Variants in SEC14L6 observed in about 807,000 individuals in gnomAD.
SEC14L6 encodes the protein SEC14-like protein 6.
In SEC14L6, 40 loss-of-function variants were observed where a neutral mutation model predicts 54.1. That is an observed-to-expected ratio of 0.74 (90% CI 0.57 to 0.96). SEC14L6 has a LOEUF of 0.96. Ranked by LOEUF, SEC14L6 falls within the 40% of genes least tolerant of loss-of-function variation. The pLI is 0.00. For synonymous variants in SEC14L6, 171 were observed against 198.4 expected (o/e 0.86, Z 1.16); for missense variants, 471 against 498.3 (o/e 0.95, Z 0.52).
intron 8 of SEC14L6, among the ~76,000 whole-genome samples, chr22:30,526,155 GGCCT>G (rs149591196): frequency 0.017 from 2,660 of 152,302 alleles, 48 homozygotes; most frequent in Middle Eastern, 0.048. Flanking sequence ...TCCTGTCCCA[GGCCT>G]GCCCCTCTCT....
chr22:30,531,056 C>G (rs1017524591), intron 6 of SEC14L6, among the ~76,000 whole-genome samples: 3 of 152,120 alleles, frequency 2.0e-5, no homozygotes, highest in Admixed American at 6.6e-5. Flanking sequence ...GGGTGCCACG[C>G]CCAACTTAGC....
chr22:30,539,291 C>T (rs902478315), intron 1 of SEC14L6, among the ~76,000 whole-genome samples: 21 of 152,162 alleles, frequency 1.4e-4, no homozygotes, highest in African/African-American at 4.8e-4. Flanking sequence ...GCAGGAGAAT[C>T]GCTTAAACCC....
intron 8 of SEC14L6, among the ~76,000 whole-genome samples, 164 bp downstream of exon 8, chr22:30,528,923 C>T (rs5749116): frequency 6.6e-6 from 1 of 151,848 alleles, no homozygotes; most frequent in Non-Finnish European, 1.5e-5. Flanking sequence ...TCTTCCCTCT[C>T]GGGGGCAGGC....
At chr22:30,542,558 G>A (rs2085740402) in intron 1 of SEC14L6, 2 of 1,362,932 alleles carry the variant, frequency 1.5e-6, no homozygotes, top group East Asian at 5.4e-5. Context: ...CTCGCGGGCG[G>A]CGTAGCCGCG....
At chr22:30,525,962 G>A (rs565103886) in intron 8 of SEC14L6, 30 bp from the exon 9 acceptor site, 35 of 1,569,216 alleles carry the variant, frequency 2.2e-5, no homozygotes, top group African/African-American at 1.6e-4. Context: ...GGACTCCAAA[G>A]GGACTCAGGA....
intron 1 of SEC14L6, among the ~76,000 whole-genome samples, chr22:30,544,742 G>C (rs1374307004): frequency 6.6e-6 from 1 of 152,058 alleles, no homozygotes; most frequent in African/African-American, 2.4e-5. Context: ...GGGCCCAACT[G>C]TGTTGCTCCA....
intron 1 of SEC14L6, chr22:30,543,152 A>G: frequency 6.2e-7 from 1 of 1,603,914 alleles, no homozygotes; most frequent in South Asian, 1.1e-5. Context: ...TCAGACTTCC[A>G]GACCAACGTG....
At chr22:30,538,024 T>A (rs972206458) in intron 2 of SEC14L6, among the ~76,000 whole-genome samples, 2 of 152,164 alleles carry the variant, frequency 1.3e-5, no homozygotes, top group Non-Finnish European at 2.9e-5. Flanking sequence ...CTGAGCTGTG[T>A]ACCTGATAGA....
chr22:30,535,707 TTTTG>T (rs1200816445), intron 2 of SEC14L6, among the ~76,000 whole-genome samples: 2 of 152,104 alleles, frequency 1.3e-5, no homozygotes, highest in African/African-American at 4.8e-5. Context: ...ATGTCATAGC[TTTTG>T]TTTGTTTATT....
chr22:30,533,862 G>T, intron 3 of SEC14L6, 134 bp downstream of exon 3: 1 of 853,684 alleles, frequency 1.2e-6, no homozygotes, highest in Non-Finnish European at 1.8e-6. Context: ...ACCAGGCCAG[G>T]TTTACCTTCC....
chr22:30,528,452 C>T (rs1481746085), intron 8 of SEC14L6, among the ~76,000 whole-genome samples: 2 of 98,498 alleles, frequency 2.0e-5, no homozygotes, highest in Admixed American at 1.1e-4. Context: ...GAGATAGGGT[C>T]GCACTCTGTC....
At chr22:30,543,455 C>T in intron 1 of SEC14L6, 2 of 1,612,034 alleles carry the variant, frequency 1.2e-6, no homozygotes, top group Admixed American at 3.3e-5. Context: ...GTGTCCCGGA[C>T]AGAAACGGCC....
chr22:30,531,698 T>C (rs1450799462), intron 6 of SEC14L6, among the ~76,000 whole-genome samples: 2 of 152,140 alleles, frequency 1.3e-5, no homozygotes, highest in Non-Finnish European at 2.9e-5. Flanking sequence ...CACTCTAGTC[T>C]GGGCAACAAG....
chr22:30,536,574 C>G (rs1263016432), intron 2 of SEC14L6, among the ~76,000 whole-genome samples: 1 of 152,214 alleles, frequency 6.6e-6, no homozygotes, highest in Admixed American at 6.5e-5. Context: ...TAATGTCAGA[C>G]TGACCTGACT....
chr22:30,528,626 G>A (rs1426233526), intron 8 of SEC14L6, among the ~76,000 whole-genome samples: 1 of 150,516 alleles, frequency 6.6e-6, no homozygotes, highest in South Asian at 2.1e-4. Context: ...GTCTCATTAT[G>A]TTTCCCAAGC....
At chr22:30,541,100 C>T (rs1005772002) in intron 1 of SEC14L6, among the ~76,000 whole-genome samples, 5 of 151,760 alleles carry the variant, frequency 3.3e-5, no homozygotes, top group Non-Finnish European at 7.4e-5. Context: ...GATGCGAATT[C>T]ACACTTGAAC....
In SEC14L6 at chr22:30,533,382, C is replaced by T. The variant is rs371166082; in HGVS notation, c.175-526G>A. Among the ~76,000 whole-genome samples the T allele has an allele frequency of 8.5e-4, 130 of 152,218 alleles. 2 individuals are homozygous for T. The South Asian group carries it at 0.026, about 30-fold the overall frequency. ...TTGGGAGGCCAAGGTGGGTGGATCA[C>T]CCGAGGTCAGGAGTTCAAGACCAGC... On this transcript the variant is annotated intron_variant, in intron 3 of 11. Transcript: ENST00000402034.
rs545080345 is a variant in SEC14L6 at position 30,544,091 on chromosome 22, C to T, written c.54+2538G>A. ...CAGGTCCCGAGGAAGTGAATGGGACCGTGGTTTGCTCTAGCACCCATCTCC... is the reference window on the plus strand; with the variant it reads ...CAGGTCCCGAGGAAGTGAATGGGACTGTGGTTTGCTCTAGCACCCATCTCC... On this transcript the variant is annotated intron_variant, in intron 1 of 11. Coordinates refer to ENST00000402034, the MANE Select transcript of SEC14L6 (RefSeq NM_001193336.4). 19 of 1,467,122 alleles carry T rather than the reference C, an allele frequency of 1.3e-5. No individual in the cohort carries two copies. The East Asian group carries it at 1.8e-4, about 14-fold the overall frequency. The allele number at this position is 1,467,122 out of a possible 1,614,324, so 90.9% of individuals were successfully genotyped here. A position where few individuals can be genotyped will look rare whatever the true frequency, so the allele number is the denominator to read the frequency against.
chr22:30,531,774 G>A, intron 6 of SEC14L6, 129 bp downstream of exon 6: 1 of 646,716 alleles, frequency 1.5e-6, no homozygotes, highest in South Asian at 1.9e-5. Flanking sequence ...CTTGTGGGCA[G>A]TACCTGTGGG....
Sources: allele counts gnomAD v4.1 joint callset (sites outside exome capture counted in the v4.1 genomes callset), GRCh38; gene constraint gnomAD v4.1.1; transcripts MANE v1.5; gene names NCBI Gene and HGNC (gene_info 2026-07-23, HGNC 2026-07-21).